The following CTIF variants were observed in gnomAD, a reference collection of about 807,000 sequenced individuals.
The protein encoded by CTIF is CBP80/20-dependent translation initiation factor.
A neutral mutation model predicts 66.0 loss-of-function variants in CTIF; 21 were observed. The ratio of observed to expected loss-of-function variants is 0.32; its 90% CI spans 0.23 to 0.46. CTIF has a LOEUF of 0.46. Ranked by LOEUF, CTIF falls within the 20% of genes least tolerant of loss-of-function variation. The pLI is 1.00. For missense variants in CTIF, 739 were observed against 812.7 expected, an observed-to-expected ratio of 0.91 and a Z score of 1.10; for synonymous variants, 345 against 326.4, an observed-to-expected ratio of 1.06 and a Z score of -0.62.
intron 6 of CTIF, among the ~76,000 whole-genome samples, chr18:48,690,628 A>G (rs911205298): frequency 1.3e-5 from 2 of 152,108 alleles, no homozygotes; most frequent in African/African-American, 2.4e-5. Flanking sequence ...GGCTGTGGAA[A>G]GTAGTCCACA....
intron 9 of CTIF, among the ~76,000 whole-genome samples, chr18:48,805,724 A>G (rs2068132942): frequency 6.6e-6 from 1 of 152,234 alleles, no homozygotes; most frequent in African/African-American, 2.4e-5. Context: ...AGGTGGGAAG[A>G]AAATATCAGG....
intron 1 of CTIF, among the ~76,000 whole-genome samples, chr18:48,605,679 T>C (rs1351863873): frequency 2.0e-5 from 3 of 152,178 alleles, no homozygotes; most frequent in African/African-American, 7.2e-5. Flanking sequence ...TGGCTGCACC[T>C]GGGAGTCCTT....
At chr18:48,726,846 C>G (rs12970331) in intron 7 of CTIF, among the ~76,000 whole-genome samples, 1 of 152,090 alleles carries the variant, frequency 6.6e-6, no homozygotes, top group African/African-American at 2.4e-5. Context: ...TAGAGGCTGA[C>G]TACCACAACC....
At chr18:48,646,920 A>C (rs2091045954) in intron 3 of CTIF, among the ~76,000 whole-genome samples, 1 of 150,384 alleles carries the variant, frequency 6.6e-6, no homozygotes, top group African/African-American at 2.4e-5. Context: ...AAAAAAAAAA[A>C]AAAAACGAAA....
chr18:48,595,952 C>T (rs1390784004), intron 1 of CTIF, among the ~76,000 whole-genome samples: 9 of 152,110 alleles, frequency 5.9e-5, no homozygotes, highest in African/African-American at 1.7e-4. Context: ...TTCATCAAAT[C>T]GTGCAAGCTG....
intron 6 of CTIF, among the ~76,000 whole-genome samples, chr18:48,709,003 A>G (rs2092193648): frequency 6.6e-6 from 1 of 152,216 alleles, no homozygotes; most frequent in Admixed American, 6.5e-5. Flanking sequence ...GATGGCATCG[A>G]TGACAGTGAT....
At chr18:48,671,731 C>G (rs766147002) in intron 6 of CTIF, among the ~76,000 whole-genome samples, 1 of 151,678 alleles carries the variant, frequency 6.6e-6, no homozygotes, top group Non-Finnish European at 1.5e-5. Context: ...TACTTTCCCT[C>G]AACCCTGGGG....
intron 10 of CTIF, among the ~76,000 whole-genome samples, chr18:48,847,306 C>CAAA (rs34326780): frequency 2.4e-5 from 2 of 83,866 alleles, no homozygotes; most frequent in African/African-American, 9.6e-5. Context: ...GACTCCGTCT[C>CAAA]AAAAAAAAAA....
intron 1 of CTIF, among the ~76,000 whole-genome samples, chr18:48,618,974 C>T (rs1391839733): frequency 1.3e-5 from 2 of 152,338 alleles, no homozygotes; most frequent in African/African-American, 4.8e-5. Flanking sequence ...CAGAGCAAGG[C>T]TGCAAAATCC....
chr18:48,707,570 C>G (rs1221934420), intron 6 of CTIF, among the ~76,000 whole-genome samples: 1 of 151,936 alleles, frequency 6.6e-6, no homozygotes, highest in East Asian at 1.9e-4. Flanking sequence ...TCTTCTTCCT[C>G]TTTCCCTTCT....
intron 5 of CTIF, among the ~76,000 whole-genome samples, chr18:48,669,666 A>G (rs1209141412): frequency 1.3e-5 from 2 of 151,386 alleles, no homozygotes; most frequent in East Asian, 1.9e-4. Flanking sequence ...TAATTTTGTT[A>G]TTATTACCAG....
At chr18:48,812,049 G>A (rs764147336) in intron 9 of CTIF, among the ~76,000 whole-genome samples, 1 of 152,082 alleles carries the variant, frequency 6.6e-6, no homozygotes, top group African/African-American at 2.4e-5. Context: ...TGCCACCTCC[G>A]CCTCCCGGGA....
chr18:48,761,634 C>G lies in CTIF; in HGVS notation c.1316C>G (p.Ala439Gly). ...GCTGCCAAGCTCTGCGACAAGATGG[C>G]GCTCTTTATGGTGGAGGGGACCAAG... Reference protein sequence around the residue: ...FTAAKLCDKMALFMVEGTKFR... With the variant: ...FTAAKLCDKMGLFMVEGTKFR... The change falls in exon 9 of 12, where the codon GCG becomes GGG. Residue 439 changes from alanine (A) to glycine (G), a missense_variant. By Grantham distance (60) the Ala-to-Gly change is moderately conservative. This residue lies in a region of CTIF where 210 missense variants were observed against 292.3 expected (regional missense o/e 0.72). Transcript: ENST00000256413. The surrounding 1 kb of genome is among the most constrained non-coding windows in gnomAD (Gnocchi z 4.2). The G allele has an allele frequency of 6.2e-7, 1 of 1,614,088 alleles. No individual in the cohort carries two copies. The highest frequency in any genetic ancestry group is 1.1e-5 in the South Asian group (1 of 91,088).
At chr18:48,813,110 T>C (rs2068294950) in intron 9 of CTIF, among the ~76,000 whole-genome samples, 1 of 152,242 alleles carries the variant, frequency 6.6e-6, no homozygotes, top group Non-Finnish European at 1.5e-5. Flanking sequence ...TTTTTCTGCA[T>C]TATCCATTCT....
In CTIF at chr18:48,617,383, TGGGA is replaced by T. The variant is rs1197710893; in HGVS notation, c.-28-2154_-28-2151del. 4.6e-5 allele frequency among the ~76,000 whole-genome samples: 7 copies of T among 152,354 alleles called. No individual in the cohort carries two copies. The South Asian group carries it at 1.4e-3, about 32-fold the overall frequency. Reference sequence around the variant, plus strand: ...CTCTCTATCTTAAAGTCGACTAATTTGGGATTTAATTTTGTCTGCAAAATCCCTT... The same window carrying T: ...CTCTCTATCTTAAAGTCGACTAATTTTTTAATTTTGTCTGCAAAATCCCTT... On this transcript the variant is annotated intron_variant, in intron 1 of 11. Coordinates refer to ENST00000256413, the MANE Select transcript of CTIF (RefSeq NM_014772.3).
At chr18:48,834,609 G>A (rs2068769400) in intron 10 of CTIF, 1 of 152,554 alleles carries the variant, frequency 6.6e-6, no homozygotes, top group Non-Finnish European at 1.5e-5. Flanking sequence ...TCATTAGGGG[G>A]ATCCCACACT....
intron 9 of CTIF, among the ~76,000 whole-genome samples, chr18:48,773,026 G>A (rs1910321961): frequency 6.6e-6 from 1 of 152,196 alleles, no homozygotes. Context: ...GCTGAGAGCT[G>A]GAGGAAGTCT....
intron 2 of CTIF, among the ~76,000 whole-genome samples, chr18:48,619,952 C>T (rs1351949705): frequency 6.6e-6 from 1 of 152,206 alleles, no homozygotes; most frequent in East Asian, 1.9e-4. Context: ...CTCTAACCCA[C>T]CTCCACTCCT....
At chr18:48,560,634 G>A (rs2089136422) in intron 1 of CTIF, among the ~76,000 whole-genome samples, 1 of 152,128 alleles carries the variant, frequency 6.6e-6, no homozygotes, top group Admixed American at 6.6e-5. Context: ...ACAGTGGTGT[G>A]ACCTCAGCTC....
Sources: allele counts gnomAD v4.1 joint callset (sites outside exome capture counted in the v4.1 genomes callset), GRCh38; gene constraint gnomAD v4.1.1; regional missense constraint gnomAD v4.1.1; non-coding constraint Gnocchi (gnomAD v3.1); transcripts MANE v1.5; gene names NCBI Gene and HGNC (gene_info 2026-07-23, HGNC 2026-07-21).